The following VAV2 variants were observed in gnomAD, a reference collection of about 807,000 sequenced individuals.
VAV2 encodes the protein vav guanine nucleotide exchange factor 2.
A neutral mutation model predicts 132.5 loss-of-function variants in VAV2; 67 were observed. That is an observed-to-expected ratio of 0.51 (90% CI 0.42 to 0.62). The LOEUF (loss-of-function observed/expected upper bound fraction) is 0.62. Among genes scored for constraint, VAV2 ranks in the 20% least tolerant of loss-of-function variants. The probability of loss-of-function intolerance (pLI) is 0.00; values close to 1 mark genes in which losing one functional copy is unlikely to be tolerated. For synonymous variants in VAV2, 492 were observed against 443.5 expected, an observed-to-expected ratio of 1.11 and a Z score of -1.37; for missense variants, 938 against 1,153.6, an observed-to-expected ratio of 0.81 and a Z score of 2.71.
At chr9:133,930,223 C>T (rs1374328327) in intron 2 of VAV2, among the ~76,000 whole-genome samples, 16 of 152,196 alleles carry the variant, frequency 1.1e-4, no homozygotes, top group Admixed American at 1.0e-3. Context: ...CTCCTGGCCT[C>T]CTCTCTGCCT....
rs1169739020 is a variant in VAV2, at chr9:133,802,240, CA to C, written c.836+3840del. Among the ~76,000 whole-genome samples the C allele has an allele frequency of 8.6e-5, 13 of 151,940 alleles. No homozygotes were observed. Among genetic ancestry groups the C allele is most frequent in the African/African-American group, 2.9e-4 (12 of 41,404 alleles). On this transcript the variant is annotated intron_variant, in intron 9 of 29. Transcript: ENST00000371850. This position sits in a 1 kb window ranked among gnomAD's most constrained non-coding sequence, Gnocchi z 5.8. ...TTTACTACTGTTAAGAAAAAGGAGC[CA>C]AAACTTGGAATAACACACACGGGCA...
rs10993859 is a variant in VAV2, at chr9:133,919,069, G to A, written c.321+20034C>T. Among the ~76,000 whole-genome samples the A allele has an allele frequency of 0.018, 2,800 of 152,016 alleles. 67 individuals are homozygous for A. The highest frequency in any genetic ancestry group is 0.056 in the South Asian group (270 of 4,810). ...ATTACAGGTGAGAGCTACCACCCCC[G>A]GCCGCCACCATGTTTTTAAAGACTT... On this transcript the variant is annotated intron_variant, in intron 2 of 29. Transcript: ENST00000371850. The surrounding 1 kb of genome is among the most constrained non-coding windows in gnomAD (Gnocchi z 5.8).
At chr9:133,956,943 C>T (rs1456491418) in intron 1 of VAV2, among the ~76,000 whole-genome samples, 1 of 152,218 alleles carries the variant, frequency 6.6e-6, no homozygotes, top group African/African-American at 2.4e-5. Context: ...GGGAGCTGAA[C>T]TCCAGTCCTG....
intron 3 of VAV2, among the ~76,000 whole-genome samples, chr9:133,851,476 C>T (rs1010415735): frequency 6.6e-6 from 1 of 152,236 alleles, no homozygotes; most frequent in Non-Finnish European, 1.5e-5. Context: ...ATCTCATCAG[C>T]ACCCGAGTGA....
At chr9:133,984,641 T>G (rs893151695) in intron 1 of VAV2, among the ~76,000 whole-genome samples, 4 of 149,568 alleles carry the variant, frequency 2.7e-5, no homozygotes, top group Non-Finnish European at 4.5e-5. Flanking sequence ...AGAATATTTC[T>G]TCATCCCCAA....
intron 25 of VAV2, among the ~76,000 whole-genome samples, chr9:133,774,413 G>A (rs761358896): frequency 2.5e-4 from 38 of 152,174 alleles, no homozygotes; most frequent in Non-Finnish European, 4.3e-4. Flanking sequence ...CATCAGGGTC[G>A]GTCTCCTGGA....
At chr9:133,872,298 G>C (rs907569856) in intron 2 of VAV2, among the ~76,000 whole-genome samples, 2 of 152,212 alleles carry the variant, frequency 1.3e-5, no homozygotes, top group African/African-American at 4.8e-5. Flanking sequence ...CTGCATGCTC[G>C]GCTCCCAGCA....
intron 17 of VAV2, 101 bp downstream of exon 17, chr9:133,785,675 G>T (rs1256442518): frequency 6.1e-6 from 7 of 1,147,684 alleles, no homozygotes; most frequent in African/African-American, 3.1e-5. Context: ...GCCTCCCACC[G>T]CCCCTGGTCT....
chr9:133,867,044 G>A (rs993227236), intron 2 of VAV2, among the ~76,000 whole-genome samples: 11 of 152,156 alleles, frequency 7.2e-5, no homozygotes, highest in East Asian at 5.8e-4. Context: ...CAGAGGTCTC[G>A]TCACAAGGCT....
intron 4 of VAV2, among the ~76,000 whole-genome samples, chr9:133,814,284 C>A (rs1374734662): frequency 6.6e-6 from 1 of 152,270 alleles, no homozygotes; most frequent in Non-Finnish European, 1.5e-5. Flanking sequence ...TCTCCAGATG[C>A]TGTCCCCAAG....
At chr9:133,780,478 G>A (rs1225596802) in intron 20 of VAV2, among the ~76,000 whole-genome samples, 1 of 152,170 alleles carries the variant, frequency 6.6e-6, no homozygotes. Flanking sequence ...GAATGAGGCG[G>A]GCAGCTGGGA....
At position 133,788,243 on chromosome 9, in the gene VAV2, C is replaced by CCCCCAA; in HGVS notation, c.1407+110_1407+111insTTGGGG. 2.1e-5 allele frequency: 27 copies of CCCCCAA among 1,310,440 alleles called. No individual in the cohort carries two copies. The highest frequency in any genetic ancestry group is 2.6e-5 in the Non-Finnish European group (25 of 948,722). The allele number at this position is 1,310,440 out of a possible 1,614,324, so 81.2% of individuals were successfully genotyped here. On this transcript the variant is annotated intron_variant, in intron 15 of 29. Coordinates refer to ENST00000371850, the MANE Select transcript of VAV2 (RefSeq NM_001134398.2). This position sits in a 1 kb window ranked among gnomAD's most constrained non-coding sequence, Gnocchi z 5.3. ...AGACGCCCACCCCAACCCACCCGGC[C>CCCCCAA]AGCATCAGCGGCTGACTTCGAGTCC...
chr9:133,800,595 G>C (rs1048641216), intron 9 of VAV2, among the ~76,000 whole-genome samples: 1 of 152,136 alleles, frequency 6.6e-6, no homozygotes, highest in Non-Finnish European at 1.5e-5. Context: ...CCTCCCTGTC[G>C]AGGCAAGTCT....
chr9:133,835,391 G>A (rs778136956), intron 3 of VAV2, among the ~76,000 whole-genome samples: 112 of 151,814 alleles, frequency 7.4e-4, no homozygotes, highest in Admixed American at 1.4e-3. Flanking sequence ...CTCAGGAAGC[G>A]GGGAGAGGCG....
In VAV2 at chr9:133,769,593, G is replaced by T; in HGVS notation, c.2348-90C>A. The T allele has an allele frequency of 1.5e-6, 2 of 1,369,980 alleles. No homozygotes were observed. Among genetic ancestry groups the T allele is most frequent in the South Asian group, 2.7e-5 (2 of 74,280 alleles). 84.9% of individuals were successfully genotyped at this position (1,369,980 alleles called of 1,614,324 possible). On this transcript the variant is annotated intron_variant, in intron 27 of 29. Coordinates refer to ENST00000371850, the MANE Select transcript of VAV2 (RefSeq NM_001134398.2). This position sits in a 1 kb window ranked among gnomAD's most constrained non-coding sequence, Gnocchi z 8.1. Reference sequence around the variant, plus strand: ...ACAGCTACAGGCCGGGGGGCATGGGGTGGGGCAGGCCCTTTGGCAGGAGAG... The same window carrying T: ...ACAGCTACAGGCCGGGGGGCATGGGTTGGGGCAGGCCCTTTGGCAGGAGAG...
chr9:133,785,854 T>C lies in VAV2; in HGVS notation c.1454A>G (p.Gln485Arg). Residue 485 changes from glutamine (Q) to arginine (R), a missense_variant, in exon 17 of 30, where the codon CAA becomes CGA. Gln to Arg is a conservative substitution (Grantham distance 43). Transcript: ENST00000371850. ...GAAAAACTGGAAGCCCTGCTTTCCT[T>C]GAAGGTGAATTAGGTAGAAGCCGTA... ...WSYGFYLIHLQGKQGFQFFCK... is the reference protein window; with the variant it reads ...WSYGFYLIHLRGKQGFQFFCK... 1 of 1,613,944 alleles carries C rather than the reference T, an allele frequency of 6.2e-7. No homozygotes were observed. The highest frequency in any genetic ancestry group is 8.5e-7 in the Non-Finnish European group (1 of 1,179,950).
intron 13 of VAV2, among the ~76,000 whole-genome samples, chr9:133,790,916 GGTAAT>G (rs1415379119): frequency 2.6e-5 from 4 of 152,092 alleles, no homozygotes; most frequent in Non-Finnish European, 5.9e-5. Context: ...CACCACCAGG[GGTAAT>G]TTTGCCACCC....
At chr9:133,841,150 C>T (rs1267204161) in intron 3 of VAV2, among the ~76,000 whole-genome samples, 1 of 152,110 alleles carries the variant, frequency 6.6e-6, no homozygotes, top group Non-Finnish European at 1.5e-5. Context: ...GGACAGCTCA[C>T]GCCTTACTGT....
At chr9:133,915,835 C>T (rs1261632518) in intron 2 of VAV2, among the ~76,000 whole-genome samples, 1 of 148,182 alleles carries the variant, frequency 6.7e-6, no homozygotes, top group Non-Finnish European at 1.5e-5. Flanking sequence ...CGCACACGTG[C>T]ACACACAACG....
Sources: gnomAD v4.1 joint callset for allele counts (sites outside exome capture counted in the v4.1 genomes callset) on GRCh38, gnomAD v4.1.1 for gene constraint, Gnocchi (gnomAD v3.1) non-coding constraint, MANE v1.5 for transcripts, NCBI Gene and HGNC (gene_info 2026-07-23, HGNC 2026-07-21) for gene names.